The following ROBO2 variants were observed in gnomAD, a reference collection of about 807,000 sequenced individuals.
The protein encoded by ROBO2 is roundabout guidance receptor 2.
ROBO2 carries 53 observed loss-of-function variants against 160.8 expected under a neutral mutation model. The ratio of observed to expected loss-of-function variants is 0.33; its 90% CI spans 0.26 to 0.41. ROBO2 has a LOEUF of 0.41. Among genes scored for constraint, ROBO2 ranks in the 10% least tolerant of loss-of-function variants. The pLI, the probability that ROBO2 is intolerant of heterozygous loss-of-function variation, is 1.00. For synonymous variants in ROBO2, 664 were observed against 611.7 expected (o/e 1.09, Z -1.26); for missense variants, 1,577 against 1,722.4 (o/e 0.92, Z 1.49).
chr3:76,356,064 T>C (rs1328251171), intron 2 of ROBO2, among the ~76,000 whole-genome samples: 1 of 151,672 alleles, frequency 6.6e-6, no homozygotes, highest in Non-Finnish European at 1.5e-5. Flanking sequence ...TTGTTTATAA[T>C]GTATAATAAT....
In ROBO2 at chr3:77,511,209, A is replaced by G. The variant is rs186596678; in HGVS notation, c.807-11566A>G. Among the ~76,000 whole-genome samples the G allele has an allele frequency of 3.7e-4, 57 of 152,164 alleles. 1 individual carries two copies. The East Asian group carries it at 9.9e-3, about 27-fold the overall frequency. On this transcript the variant is annotated intron_variant, in intron 5 of 25. Coordinates refer to ENST00000461745, the Ensembl canonical transcript of ROBO2. ...TGGCCACAAATTTGCCAAGAAAATT[A>G]ATCCCTGGAGCCTCCCATGTCTACC...
intron 5 of ROBO2, among the ~76,000 whole-genome samples, chr3:77,513,404 T>A (rs896099404): frequency 6.6e-6 from 1 of 151,850 alleles, no homozygotes; most frequent in African/African-American, 2.4e-5. Context: ...TAAAAATAAA[T>A]TTAGCCATAT....
intron 2 of ROBO2, among the ~76,000 whole-genome samples, chr3:76,363,956 T>A (rs1442849995): frequency 3.9e-5 from 6 of 152,072 alleles, no homozygotes; most frequent in Non-Finnish European, 2.9e-5. Flanking sequence ...AGGCAGTAAC[T>A]TTTATATAAC....
chr3:76,243,372 G>C (rs1370271205), intron 2 of ROBO2, among the ~76,000 whole-genome samples: 2 of 152,206 alleles, frequency 1.3e-5, no homozygotes, highest in Non-Finnish European at 2.9e-5. Flanking sequence ...ACGCAGGGGA[G>C]GGGGCAGTAA....
chr3:77,235,159 A>G (rs1323112171), intron 2 of ROBO2, among the ~76,000 whole-genome samples: 15 of 152,192 alleles, frequency 9.9e-5, no homozygotes, highest in Admixed American at 9.8e-4. Flanking sequence ...ATCTATGGTG[A>G]TAAACAATAT....
At chr3:76,600,571 G>T (rs2087062837) in intron 2 of ROBO2, among the ~76,000 whole-genome samples, 1 of 152,078 alleles carries the variant, frequency 6.6e-6, no homozygotes, top group South Asian at 2.1e-4. Context: ...AGTGAAGTGG[G>T]TTTCCCCTTA....
chr3:77,097,561 A>G (rs1372839874), intron 1 of ROBO2, among the ~76,000 whole-genome samples: 2 of 152,126 alleles, frequency 1.3e-5, no homozygotes, highest in African/African-American at 2.4e-5. Flanking sequence ...ATATTTGTAC[A>G]TAATTTACAG....
chr3:77,112,570 G>A (rs982732816), intron 2 of ROBO2, among the ~76,000 whole-genome samples: 9 of 152,054 alleles, frequency 5.9e-5, no homozygotes, highest in Non-Finnish European at 1.2e-4. Context: ...TTAAGACTAT[G>A]TCCCAAGAAG....
At chr3:75,912,696 G>GA (rs537768723) in intron 1 of ROBO2, among the ~76,000 whole-genome samples, 1 of 151,978 alleles carries the variant, frequency 6.6e-6, no homozygotes, top group Non-Finnish European at 1.5e-5. Flanking sequence ...GGGTGAAATA[G>GA]AAAAAAATTT....
chr3:76,237,516 A>T (rs1237897549), intron 2 of ROBO2, among the ~76,000 whole-genome samples: 2 of 152,182 alleles, frequency 1.3e-5, no homozygotes, highest in African/African-American at 4.8e-5. Context: ...AAAAATAAAC[A>T]TCATCCTTTG....
At chr3:76,220,440 G>T in intron 2 of ROBO2, among the ~76,000 whole-genome samples, 1 of 152,082 alleles carries the variant, frequency 6.6e-6, no homozygotes, top group South Asian at 2.1e-4. Context: ...CTCACACAGG[G>T]ATTAGTGCCT....
At chr3:76,319,950 G>A (rs1014682561) in intron 2 of ROBO2, among the ~76,000 whole-genome samples, 2 of 152,000 alleles carry the variant, frequency 1.3e-5, no homozygotes, top group Admixed American at 6.6e-5. Flanking sequence ...GGATTAGAGG[G>A]GGGAAGGCAT....
chr3:76,020,388 A>G (rs1327115860), intron 2 of ROBO2, among the ~76,000 whole-genome samples: 3 of 151,796 alleles, frequency 2.0e-5, no homozygotes, highest in African/African-American at 7.2e-5. Flanking sequence ...TGGATTCATT[A>G]CCATCTTATT....
Position 76,989,425 on chromosome 3 carries a change from T to C in ROBO2, c.110-108589T>C, listed in dbSNP as rs4470564. On this transcript the variant is annotated intron_variant, in intron 2 of 26. Transcript: ENST00000487694. Reference sequence around the variant, plus strand: ...GCATAAACTATACATAATATGATAATAAAAGTATGTAATTTTCATTTCCCA... The same window carrying C: ...GCATAAACTATACATAATATGATAACAAAAGTATGTAATTTTCATTTCCCA... Among the ~76,000 whole-genome samples the C allele has an allele frequency of 6.0e-3, 909 of 152,208 alleles. 12 individuals carry two copies. The highest frequency in any genetic ancestry group is 0.021 in the African/African-American group (866 of 41,550).
At chr3:77,509,356 G>A (rs1363849997) in intron 5 of ROBO2, among the ~76,000 whole-genome samples, 3 of 151,996 alleles carry the variant, frequency 2.0e-5, no homozygotes, top group East Asian at 1.9e-4. Context: ...TAACAATCCC[G>A]CATACATTAG....
At chr3:77,547,709 C>G (rs556406145) in intron 7 of ROBO2, among the ~76,000 whole-genome samples, 1 of 152,110 alleles carries the variant, frequency 6.6e-6, no homozygotes, top group South Asian at 2.1e-4. Context: ...GGAGTCATTC[C>G]TCTTGTGATT....
intron 2 of ROBO2, among the ~76,000 whole-genome samples, chr3:76,186,940 A>G (rs1227513061): frequency 6.6e-6 from 1 of 152,086 alleles, no homozygotes; most frequent in African/African-American, 2.4e-5. Context: ...AAACATCTGA[A>G]ACATCCTCCT....
At chr3:77,126,915 A>C (rs2075381483) in intron 2 of ROBO2, among the ~76,000 whole-genome samples, 1 of 149,734 alleles carries the variant, frequency 6.7e-6, no homozygotes, top group Admixed American at 6.7e-5. Context: ...CAGCCTCCCG[A>C]GTAGCTGGGA....
intron 2 of ROBO2, among the ~76,000 whole-genome samples, chr3:77,246,903 T>C (rs2089792112): frequency 6.6e-6 from 1 of 152,184 alleles, no homozygotes; most frequent in Admixed American, 6.5e-5. Context: ...GGAAAATTTA[T>C]TGGCTATTTG....
Sources: allele counts gnomAD v4.1 joint callset (sites outside exome capture counted in the v4.1 genomes callset), GRCh38; gene constraint gnomAD v4.1.1; transcripts MANE v1.5; gene names NCBI Gene and HGNC (gene_info 2026-07-23, HGNC 2026-07-21).